The following BBOX1 variants were observed in gnomAD, a reference collection of about 807,000 sequenced individuals.
The protein encoded by BBOX1 is gamma-butyrobetaine dioxygenase.
In BBOX1, 35 loss-of-function variants were observed where a neutral mutation model predicts 41.6. The observed-to-expected ratio is 0.84, with a 90% CI of 0.64 to 1.11. The LOEUF is 1.11. Among genes scored for constraint, BBOX1 ranks in the 50% most tolerant of loss-of-function variants. The probability of loss-of-function intolerance (pLI) is 0.00; values close to 1 mark genes in which losing one functional copy is unlikely to be tolerated. For synonymous variants in BBOX1, 163 were observed against 154.7 expected, an observed-to-expected ratio of 1.05 and a Z score of -0.40; for missense variants, 458 against 460.6, an observed-to-expected ratio of 0.99 and a Z score of 0.05.
At chr11:27,078,027 T>C (rs905063179) in intron 4 of BBOX1, among the ~76,000 whole-genome samples, 2 of 152,042 alleles carry the variant, frequency 1.3e-5, no homozygotes, top group Admixed American at 6.6e-5. Flanking sequence ...TCCCACAATC[T>C]GGTACCCCCT....
intron 4 of BBOX1, among the ~76,000 whole-genome samples, chr11:27,081,132 G>T (rs78715424): frequency 0.074 from 11,198 of 152,186 alleles, 1,357 homozygotes; most frequent in African/African-American, 0.25. Flanking sequence ...GATCATATCA[G>T]ATGTAGCCTT....
intron 4 of BBOX1, among the ~76,000 whole-genome samples, chr11:27,059,217 C>T (rs1857069912): frequency 6.6e-6 from 1 of 152,230 alleles, no homozygotes; most frequent in South Asian, 2.1e-4. Flanking sequence ...GCCATAGTTC[C>T]AGAGGGCATA....
chr11:27,065,751 T>C (rs1369796300), intron 4 of BBOX1, among the ~76,000 whole-genome samples: 1 of 152,182 alleles, frequency 6.6e-6, no homozygotes, highest in Non-Finnish European at 1.5e-5. Flanking sequence ...ATGTATTAAA[T>C]AAAATTTTTT....
chr11:27,045,370 T>G (rs1439836087), intron 2 of BBOX1, among the ~76,000 whole-genome samples: 1 of 152,210 alleles, frequency 6.6e-6, no homozygotes, highest in Non-Finnish European at 1.5e-5. Flanking sequence ...TCATGTCATC[T>G]GCAAACAAAG....
intron 5 of BBOX1, among the ~76,000 whole-genome samples, chr11:27,111,388 T>C (rs1859057625): frequency 1.3e-5 from 2 of 151,972 alleles, no homozygotes; most frequent in Admixed American, 1.3e-4. Flanking sequence ...AATTACCCAT[T>C]GGGTACTATG....
At chr11:27,073,706 T>C (rs978096635) in intron 4 of BBOX1, among the ~76,000 whole-genome samples, 3 of 152,132 alleles carry the variant, frequency 2.0e-5, no homozygotes, top group Non-Finnish European at 2.9e-5. Context: ...ATGTGGCACA[T>C]ATACACCATG....
Position 27,090,275 on chromosome 11 carries a change from T to C in BBOX1, c.335-2893T>C, listed in dbSNP as rs538549518. On this transcript the variant is annotated intron_variant, in intron 4 of 8. Transcript: ENST00000263182. ...CCATAAGTGTCAGCTGGCTGAGAAA[T>C]AGAGAGACGGTACAAAGAGAGGAAC... 1.4e-4 allele frequency among the ~76,000 whole-genome samples: 21 copies of C among 151,944 alleles called. 3 individuals carry two copies. The South Asian group carries it at 3.9e-3, about 29-fold the overall frequency.
At chr11:27,057,096 C>CGTA (rs1554935645) in intron 3 of BBOX1, 105 bp from the exon 4 acceptor site, 1 of 368,226 alleles carries the variant, frequency 2.7e-6, no homozygotes, top group Non-Finnish European at 4.6e-6. Context: ...TTAAGCAAAG[C>CGTA]ATAATTGGAT....
At chr11:27,053,943 A>C (rs1025931076) in intron 2 of BBOX1, among the ~76,000 whole-genome samples, 2 of 152,200 alleles carry the variant, frequency 1.3e-5, no homozygotes, top group African/African-American at 4.8e-5. Context: ...TAAAGGGACA[A>C]AGCAATATTT....
chr11:27,111,960 C>T (rs1859082884), intron 5 of BBOX1, among the ~76,000 whole-genome samples: 1 of 151,818 alleles, frequency 6.6e-6, no homozygotes, highest in African/African-American at 2.4e-5. Context: ...CATGTACAAA[C>T]ATCAAAAAAG....
intron 4 of BBOX1, among the ~76,000 whole-genome samples, chr11:27,057,685 C>T (rs1473522128): frequency 3.9e-5 from 6 of 152,054 alleles, no homozygotes; most frequent in African/African-American, 7.2e-5. Flanking sequence ...CAGAACAACA[C>T]AAATCAACAA....
intron 2 of BBOX1, among the ~76,000 whole-genome samples, chr11:27,051,256 C>T (rs1851660907): frequency 6.6e-6 from 1 of 151,916 alleles, no homozygotes; most frequent in Non-Finnish European, 1.5e-5. Flanking sequence ...AAAGATTTTG[C>T]ATCTATGTTT....
At chr11:27,067,370 CTT>C (rs1045485119) in intron 4 of BBOX1, among the ~76,000 whole-genome samples, 2 of 151,952 alleles carry the variant, frequency 1.3e-5, no homozygotes, top group African/African-American at 4.8e-5. Flanking sequence ...TTTCTTACCT[CTT>C]CTCACGCTCC....
intron 2 of BBOX1, among the ~76,000 whole-genome samples, chr11:27,043,663 A>C (rs2133938666): frequency 6.6e-6 from 1 of 152,238 alleles, no homozygotes; most frequent in South Asian, 2.1e-4. Context: ...CTCATTGTTC[A>C]AGTCCCACTT....
At chr11:27,051,694 T>C (rs1418975764) in intron 2 of BBOX1, among the ~76,000 whole-genome samples, 1 of 152,000 alleles carries the variant, frequency 6.6e-6, no homozygotes, top group East Asian at 1.9e-4. Flanking sequence ...ATTTTGAGTC[T>C]TCTCTCTTTG....
rs371148641 is a variant in BBOX1 at position 27,075,543 on chromosome 11, CA to C, written c.335-17624del. 3.1e-4 allele frequency among the ~76,000 whole-genome samples: 47 copies of C among 152,170 alleles called. 1 individual carries two copies. The South Asian group carries it at 6.9e-3, about 22-fold the overall frequency. On this transcript the variant is annotated intron_variant, in intron 4 of 8. Coordinates refer to ENST00000263182, the MANE Select transcript of BBOX1 (RefSeq NM_003986.3). ...TCAGTGAAATGCACTGAGATCTTAC[CA>C]GGGGGAAGGATGGCCTCTCCCTTGC...
chr11:27,045,195 G>T (rs985855881), intron 2 of BBOX1, among the ~76,000 whole-genome samples: 1 of 152,102 alleles, frequency 6.6e-6, no homozygotes, highest in Non-Finnish European at 1.5e-5. Context: ...AAGCAATTGT[G>T]AATGGGAGTT....
chr11:27,048,571 GT>G (rs1851566445), intron 2 of BBOX1, among the ~76,000 whole-genome samples: 2 of 151,940 alleles, frequency 1.3e-5, no homozygotes, highest in African/African-American at 4.8e-5. Flanking sequence ...ATAGATATGG[GT>G]TTGATATATA....
At chr11:27,043,231 CTT>C (rs1217582843) in intron 2 of BBOX1, among the ~76,000 whole-genome samples, 2 of 151,776 alleles carry the variant, frequency 1.3e-5, no homozygotes, top group Non-Finnish European at 2.9e-5. Flanking sequence ...GCCCGGCTAA[CTT>C]TTTGTATTTT....
Sources: allele counts gnomAD v4.1 joint callset (sites outside exome capture counted in the v4.1 genomes callset), GRCh38; gene constraint gnomAD v4.1.1; transcripts MANE v1.5; gene names NCBI Gene and HGNC (gene_info 2026-07-23, HGNC 2026-07-21).